The following PDE1C variants were observed in gnomAD, a reference collection of about 807,000 sequenced individuals.
PDE1C encodes dual specificity calcium/calmodulin-dependent 3',5'-cyclic nucleotide phosphodiesterase 1C.
In PDE1C, 62 loss-of-function variants were observed where a neutral mutation model predicts 93.1. The ratio of observed to expected loss-of-function variants is 0.67; its 90% CI spans 0.54 to 0.82. The LOEUF is 0.82. Ranked by LOEUF, PDE1C falls within the 40% of genes least tolerant of loss-of-function variation. The pLI is 0.00. For missense variants in PDE1C, 742 were observed against 884.6 expected (o/e 0.84, Z 2.04); for synonymous variants, 325 against 310.1 (o/e 1.05, Z -0.50).
chr7:32,145,656 T>C (rs952874298), intron 3 of PDE1C, among the ~76,000 whole-genome samples: 1 of 152,192 alleles, frequency 6.6e-6, no homozygotes, highest in African/African-American at 2.4e-5. Context: ...AAATTATTAT[T>C]ATTACTAATA....
intron 1 of PDE1C, among the ~76,000 whole-genome samples, chr7:32,256,445 C>T (rs759481627): frequency 3.0e-4 from 46 of 152,148 alleles, no homozygotes; most frequent in African/African-American, 1.0e-3. Flanking sequence ...CCCTGGAATT[C>T]GCACCCCAGC....
At chr7:31,863,997 C>T (rs1188748791) in intron 7 of PDE1C, among the ~76,000 whole-genome samples, 1 of 151,968 alleles carries the variant, frequency 6.6e-6, no homozygotes, top group African/African-American at 2.4e-5. Context: ...ACAAATGTGC[C>T]CTGGATTTAT....
chr7:31,904,587 A>G (rs375700664), intron 2 of PDE1C, among the ~76,000 whole-genome samples: 1 of 152,028 alleles, frequency 6.6e-6, no homozygotes, highest in Admixed American at 6.6e-5. Flanking sequence ...TCGACTCACT[A>G]TAGAAATGGC....
At chr7:32,201,500 G>C (rs564095472) in intron 2 of PDE1C, among the ~76,000 whole-genome samples, 161 of 152,306 alleles carry the variant, frequency 1.1e-3, no homozygotes, top group Non-Finnish European at 1.9e-3. Flanking sequence ...AGCAGAAACT[G>C]GTCTGCATTT....
chr7:32,403,035 G>A (rs395886), intron 1 of PDE1C, among the ~76,000 whole-genome samples: 96,658 of 151,588 alleles, frequency 0.64, 31,364 homozygotes, highest in East Asian at 0.93. Flanking sequence ...GCGCCCACCC[G>A]AAATAGAGGT....
chr7:32,038,530 T>C (rs1791411246), intron 2 of PDE1C, among the ~76,000 whole-genome samples: 1 of 152,118 alleles, frequency 6.6e-6, no homozygotes, highest in African/African-American at 2.4e-5. Flanking sequence ...TTAGGTACCA[T>C]TAGTAAGCCC....
intron 1 of PDE1C, among the ~76,000 whole-genome samples, chr7:32,392,319 G>A: frequency 6.6e-6 from 1 of 152,144 alleles, no homozygotes; most frequent in East Asian, 1.9e-4. Flanking sequence ...AGAATAGAAA[G>A]CCCAGGCCTA....
chr7:31,934,345 G>A (rs892775438), intron 2 of PDE1C, among the ~76,000 whole-genome samples: 1 of 152,068 alleles, frequency 6.6e-6, no homozygotes, highest in Non-Finnish European at 1.5e-5. Context: ...CATAGCTAAG[G>A]TTCTTAGCCT....
chr7:32,070,494 G>A, upstream of PDE1C: 1 of 1,558,232 alleles, frequency 6.4e-7, no homozygotes, highest in South Asian at 1.2e-5. Context: ...GGCGCGGCGC[G>A]CGTTTGCCCG....
the PDE1C span, among the ~76,000 whole-genome samples, chr7:31,681,379 GGAT>G: frequency 4.4e-5 from 6 of 135,996 alleles, no homozygotes; most frequent in African/African-American, 6.8e-5. Flanking sequence ...ACGGATGGAT[GGAT>G]GGATGGATGG....
intron 3 of PDE1C, among the ~76,000 whole-genome samples, chr7:32,107,163 TAGAAC>T (rs1798364989): frequency 6.8e-6 from 1 of 147,122 alleles, no homozygotes; most frequent in East Asian, 2.0e-4. Context: ...AAAAAAAAGA[TAGAAC>T]AGAATATACA....
intron 1 of PDE1C, among the ~76,000 whole-genome samples, chr7:32,387,860 AC>A (rs1192167069): frequency 9.3e-6 from 1 of 107,556 alleles, no homozygotes; most frequent in Admixed American, 8.3e-5. Context: ...CAGGGGGCTG[AC>A]CCCCCTCCCC....
chr7:32,237,513 T>C (rs1808196687), intron 1 of PDE1C, among the ~76,000 whole-genome samples: 1 of 151,850 alleles, frequency 6.6e-6, no homozygotes, highest in Non-Finnish European at 1.5e-5. Flanking sequence ...CACATATGAA[T>C]TTAAATATGT....
rs1441063515 is a variant in PDE1C, at chr7:32,388,057, C to T, written c.310+39765G>A. On this transcript the variant is annotated intron_variant, in intron 1 of 1. Coordinates refer to the PDE1C transcript ENST00000672256. ...TACCTCCTTCAATAGATTGTAAGTTCTTCATGGCTATTGTGCTGGAGAAAT... is the reference window on the plus strand; with the variant it reads ...TACCTCCTTCAATAGATTGTAAGTTTTTCATGGCTATTGTGCTGGAGAAAT... Among the ~76,000 whole-genome samples, 6 of 152,140 alleles carry T rather than the reference C, an allele frequency of 3.9e-5. No homozygotes were observed. In the South Asian group the frequency reaches 1.0e-3, roughly 26 times the overall value.
At chr7:32,135,454 TG>T (rs1181551161) in intron 3 of PDE1C, among the ~76,000 whole-genome samples, 1 of 152,084 alleles carries the variant, frequency 6.6e-6, no homozygotes, top group Non-Finnish European at 1.5e-5. Flanking sequence ...AATGTTCAAA[TG>T]GCAAAGGACC....
intron 2 of PDE1C, among the ~76,000 whole-genome samples, chr7:31,956,489 GTT>G (rs112415515): frequency 2.8e-5 from 4 of 142,306 alleles, no homozygotes; most frequent in African/African-American, 7.7e-5. Context: ...TGTTCGTTTT[GTT>G]TTTTTTTTTA....
At chr7:32,251,220 G>A (rs997203047) in intron 1 of PDE1C, among the ~76,000 whole-genome samples, 49 of 152,042 alleles carry the variant, frequency 3.2e-4, no homozygotes, top group African/African-American at 6.5e-4. Flanking sequence ...ACCTGCCACC[G>A]GGGTGTCCAC....
intron 1 of PDE1C, among the ~76,000 whole-genome samples, chr7:32,331,315 C>T (rs1783510541): frequency 6.6e-6 from 1 of 152,178 alleles, no homozygotes; most frequent in African/African-American, 2.4e-5. Context: ...TCAAATCCAA[C>T]AATTTATTAA....
intron 3 of PDE1C, among the ~76,000 whole-genome samples, chr7:31,879,951 G>A (rs370181937): frequency 4.0e-5 from 6 of 151,894 alleles, no homozygotes; most frequent in African/African-American, 1.2e-4. Context: ...GGAGGTAAGC[G>A]GAGGAAACAT....
Sources: allele counts gnomAD v4.1 joint callset (sites outside exome capture counted in the v4.1 genomes callset), GRCh38; gene constraint gnomAD v4.1.1; transcripts MANE v1.5; gene names NCBI Gene and HGNC (gene_info 2026-07-23, HGNC 2026-07-21).